The following CAMK1D variants were observed in gnomAD, a reference collection of about 807,000 sequenced individuals.
The protein encoded by CAMK1D is calcium/calmodulin-dependent protein kinase type 1D.
A neutral mutation model predicts 47.7 loss-of-function variants in CAMK1D; 9 were observed. The observed-to-expected ratio is 0.19, with a 90% CI of 0.11 to 0.33. The LOEUF is 0.33. Among genes scored for constraint, CAMK1D ranks in the 10% least tolerant of loss-of-function variants. CAMK1D has a pLI of 1.00. For missense variants in CAMK1D, 291 were observed against 488.7 expected (o/e 0.60, Z 3.81); for synonymous variants, 184 against 184.9 (o/e 0.99, Z 0.04).
intron 1 of CAMK1D, among the ~76,000 whole-genome samples, chr10:12,442,469 A>G (rs1333446285): frequency 2.6e-5 from 4 of 152,232 alleles, no homozygotes; most frequent in Admixed American, 1.3e-4. Context: ...TGACAGAGAG[A>G]GGCTGTGTCT....
intron 1 of CAMK1D, among the ~76,000 whole-genome samples, chr10:12,541,548 A>G (rs1836173851): frequency 6.6e-6 from 1 of 151,816 alleles, no homozygotes; most frequent in East Asian, 1.9e-4. Flanking sequence ...ATTTTTAGAG[A>G]CAGGGTTTCA....
chr10:12,667,336 G>A (rs1840466071), intron 3 of CAMK1D, among the ~76,000 whole-genome samples: 1 of 152,216 alleles, frequency 6.6e-6, no homozygotes, highest in South Asian at 2.1e-4. Context: ...TATAATTGGT[G>A]TCAGACCATG....
intron 6 of CAMK1D, among the ~76,000 whole-genome samples, chr10:12,803,680 A>ATG (rs1470038950): frequency 2.0e-5 from 3 of 151,906 alleles, no homozygotes; most frequent in African/African-American, 4.8e-5. Context: ...AATAATAACT[A>ATG]TGTGTGTGTG....
chr10:12,447,701 C>A (rs753364434), intron 1 of CAMK1D, among the ~76,000 whole-genome samples: 15 of 150,562 alleles, frequency 1.0e-4, no homozygotes, highest in Non-Finnish European at 1.3e-4. Context: ...GATCCTATTT[C>A]AAAAAAAAAT....
intron 2 of CAMK1D, among the ~76,000 whole-genome samples, chr10:12,562,975 T>C (rs888989287): frequency 3.9e-5 from 6 of 152,206 alleles, no homozygotes; most frequent in African/African-American, 1.4e-4. Flanking sequence ...TTGGTGACTG[T>C]ATTAGTTCTC....
chr10:12,434,286 A>G (rs72769615), intron 1 of CAMK1D, among the ~76,000 whole-genome samples: 22,874 of 152,246 alleles, frequency 0.15, 1,946 homozygotes, highest in Admixed American at 0.27. Context: ...GTTTGGAGTC[A>G]GACACACCCC....
chr10:12,773,484 A>C (rs778772030), intron 5 of CAMK1D, among the ~76,000 whole-genome samples: 6 of 152,208 alleles, frequency 3.9e-5, no homozygotes, highest in Non-Finnish European at 7.3e-5. Flanking sequence ...TAGTTGTCAT[A>C]GGTATTGTTT....
intron 2 of CAMK1D, among the ~76,000 whole-genome samples, chr10:12,663,427 G>A (rs553916519): frequency 1.3e-5 from 2 of 152,274 alleles, no homozygotes; most frequent in South Asian, 4.2e-4. Flanking sequence ...ACTAAGCAGA[G>A]GCATTATATC....
intron 3 of CAMK1D, among the ~76,000 whole-genome samples, chr10:12,741,332 C>T (rs1835417626): frequency 6.6e-6 from 1 of 152,194 alleles, no homozygotes; most frequent in African/African-American, 2.4e-5. Context: ...GACCTAAGTT[C>T]AGCAAATCCC....
intron 6 of CAMK1D, among the ~76,000 whole-genome samples, chr10:12,800,596 C>T (rs2131030359): frequency 6.6e-6 from 1 of 152,316 alleles, no homozygotes; most frequent in Middle Eastern, 3.4e-3. Flanking sequence ...CCTGGGTTGG[C>T]CTTGAAGCTT....
chr10:12,353,394 A>G (rs1490333991), intron 1 of CAMK1D, among the ~76,000 whole-genome samples: 1 of 152,088 alleles, frequency 6.6e-6, no homozygotes, highest in Non-Finnish European at 1.5e-5. Context: ...CTGGAGGAGC[A>G]CTCATTTTGC....
chr10:12,824,543 C>T lies in CAMK1D; in HGVS notation c.912C>T (p.Ser304=). The change falls in exon 9 of 11, where the codon AGC becomes AGT. Residue 304 remains serine (S), a synonymous_variant. Coordinates refer to ENST00000619168, the MANE Select transcript of CAMK1D (RefSeq NM_153498.4). ...AGATCCGGAAAAACTTTGCCAAGAGCAAATGGAGAGTAAGTGTGGAGTATA... is the reference window on the plus strand; with the variant it reads ...AGATCCGGAAAAACTTTGCCAAGAGTAAATGGAGAGTAAGTGTGGAGTATA... ...SAQIRKNFAK[S]KWRQAFNATA... The T allele has an allele frequency of 6.2e-7, 1 of 1,613,658 alleles. No individual in the cohort carries two copies. The highest frequency in any genetic ancestry group is 8.5e-7 in the Non-Finnish European group (1 of 1,179,612).
At chr10:12,768,406 G>C (rs914843370) in intron 4 of CAMK1D, among the ~76,000 whole-genome samples, 2 of 152,264 alleles carry the variant, frequency 1.3e-5, no homozygotes, top group Admixed American at 6.5e-5. Context: ...GAAACCCAAG[G>C]TTCACCACAA....
chr10:12,571,075 G>T (rs1394520879), intron 2 of CAMK1D, among the ~76,000 whole-genome samples: 1 of 152,124 alleles, frequency 6.6e-6, no homozygotes, highest in South Asian at 2.1e-4. Context: ...CAGTGTTGGG[G>T]TCTAGTCTTT....
intron 3 of CAMK1D, among the ~76,000 whole-genome samples, chr10:12,668,230 C>T (rs895845481): frequency 2.0e-5 from 3 of 152,192 alleles, no homozygotes; most frequent in Non-Finnish European, 4.4e-5. Context: ...AAGATGCAAG[C>T]ACATCACTTT....
At chr10:12,397,313 T>C (rs1200379181) in intron 1 of CAMK1D, among the ~76,000 whole-genome samples, 1 of 152,142 alleles carries the variant, frequency 6.6e-6, no homozygotes, top group Non-Finnish European at 1.5e-5. Flanking sequence ...TGACCTTTGG[T>C]TCCGTCTGCT....
intron 3 of CAMK1D, among the ~76,000 whole-genome samples, chr10:12,690,011 A>G (rs555193959): frequency 6.6e-6 from 1 of 152,254 alleles, no homozygotes; most frequent in Admixed American, 6.5e-5. Flanking sequence ...GCAAATATTT[A>G]TGTTGTTTTG....
chr10:12,637,684 A>C (rs1418642805), intron 2 of CAMK1D, among the ~76,000 whole-genome samples: 1 of 152,100 alleles, frequency 6.6e-6, no homozygotes, highest in Non-Finnish European at 1.5e-5. Context: ...AATCTCTTTT[A>C]TTCTTAGAAG....
chr10:12,734,790 C>T (rs1407891088), intron 3 of CAMK1D, among the ~76,000 whole-genome samples: 1 of 152,026 alleles, frequency 6.6e-6, no homozygotes, highest in Non-Finnish European at 1.5e-5. Context: ...CTTTCTCTTT[C>T]TTTGTTGTCT....
Sources: gnomAD v4.1 joint callset for allele counts (sites outside exome capture counted in the v4.1 genomes callset) on GRCh38, gnomAD v4.1.1 for gene constraint, MANE v1.5 for transcripts, NCBI Gene and HGNC (gene_info 2026-07-23, HGNC 2026-07-21) for gene names.